Variants in ZNF768 observed in about 807,000 individuals in gnomAD.
ZNF768 encodes zinc finger protein 768.
Under a neutral mutation model 39.7 loss-of-function variants are expected in ZNF768, and 12 were observed. The ratio of observed to expected loss-of-function variants is 0.30; its 90% CI spans 0.19 to 0.49. ZNF768 has a LOEUF of 0.49. Among genes scored for constraint, ZNF768 ranks in the 20% least tolerant of loss-of-function variants. The pLI, the probability that ZNF768 is intolerant of heterozygous loss-of-function variation, is 0.99. For synonymous variants in ZNF768, 360 were observed against 288.4 expected (o/e 1.25, Z -2.52); for missense variants, 613 against 723.2 (o/e 0.85, Z 1.75).
chr16:30,528,948 C>T (rs866660119), upstream of ZNF768, among the ~76,000 whole-genome samples: 4 of 152,214 alleles, frequency 2.6e-5, no homozygotes, highest in Admixed American at 6.5e-5. Flanking sequence ...GCTCTGACAC[C>T]GTACACTGCC....
In ZNF768 at chr16:30,525,418, G is replaced by A. The variant is rs769419547; in HGVS notation, c.722C>T (p.Ala241Val). The A allele has an allele frequency of 4.0e-5, 64 of 1,614,154 alleles. No individual in the cohort carries two copies. Among genetic ancestry groups the A allele is most frequent in the Non-Finnish European group, 5.1e-5 (60 of 1,180,038 alleles). ...ACCCCGCCGACCTGGACCTCGAAGG[G>A]CTCCTGTGAGACCCAGGGGATTCTG... ...MLQNPLGLTG[A>V]LRGPGRRGGR... Residue 241 changes from alanine to valine, a missense_variant, in exon 2 of 2, where the codon GCC becomes GTC. Physicochemically the swap from Ala to Val is moderately conservative, Grantham distance 64. Coordinates refer to ENST00000380412, the MANE Select transcript of ZNF768 (RefSeq NM_024671.4).
At chr16:30,526,649 C>A, upstream of ZNF768, 1 of 967,662 alleles carries the variant, frequency 1.0e-6, no homozygotes, top group South Asian at 4.8e-5. Context: ...TCCCCGTGGC[C>A]CTCACTGGCC....
chr16:30,525,636 G>A lies in ZNF768; in HGVS notation c.504C>T (p.Ser168=), dbSNP rs1242796019. 1.2e-6 allele frequency: 2 copies of A among 1,614,096 alleles called. No individual in the cohort carries two copies. The highest frequency in any genetic ancestry group is 4.5e-5 in the East Asian group (2 of 44,900). Residue 168 remains serine, a synonymous_variant, in exon 2 of 2, where the codon TCC becomes TCT. Transcript: ENST00000380412. ...GCATCTCCGCACCTTCCTGGAATTT[G>A]GAACTTTGAGCTTCAAATTCTGGGC... ...TQSPEFEAQS[S]KFQEGAEMLL...
Position 30,526,560 on chromosome 16 carries a change from G to A in ZNF768, c.-147C>T. 9.4e-7 allele frequency: 1 copy of A among 1,058,572 alleles called. No individual in the cohort carries two copies. The highest frequency in any genetic ancestry group is 4.5e-5 in the South Asian group (1 of 22,246). 65.6% of individuals were successfully genotyped at this position (1,058,572 alleles called of 1,614,324 possible). On this transcript the variant is annotated 5_prime_UTR_variant, in exon 1 of 2. Coordinates refer to ENST00000380412, the MANE Select transcript of ZNF768 (RefSeq NM_024671.4). ...GGCCCAGCCCGGGCCCCCGAGGCCG[G>A]ACGTCTTGACCCCGCGCCTCTCCAG...
chr16:30,531,605 T>C (rs1361637675), upstream of ZNF768: 1 of 151,900 alleles, frequency 6.6e-6, no homozygotes, highest in African/African-American at 2.4e-5. Context: ...CTGATCAACA[T>C]AGTGGGAACC....
At chr16:30,528,962 A>G (rs2051349539), upstream of ZNF768, among the ~76,000 whole-genome samples, 1 of 152,166 alleles carries the variant, frequency 6.6e-6, no homozygotes, top group Admixed American at 6.6e-5. Flanking sequence ...CACTGCCTGC[A>G]CTCTTATCAT....
At chr16:30,526,127 C>G (rs2051321372) in intron 1 of ZNF768, 76 bp from the exon 2 acceptor site, 1 of 1,493,310 alleles carries the variant, frequency 6.7e-7, no homozygotes, top group Non-Finnish European at 8.9e-7. Context: ...CACCTCCCAC[C>G]TCACATGCAG....
At chr16:30,526,809 C>T (rs1348069765), upstream of ZNF768, 5 of 956,432 alleles carry the variant, frequency 5.2e-6, no homozygotes, top group African/African-American at 1.8e-5. Context: ...CCACCCTCCC[C>T]CGCACAGGAA....
Position 30,526,549 on chromosome 16 carries a change from C to A in ZNF768, c.-136G>T. On this transcript the variant is annotated 5_prime_UTR_variant, in exon 1 of 2. Transcript: ENST00000380412. ...GGGGACTCGGCGGCCCAGCCCGGGC[C>A]CCCGAGGCCGGACGTCTTGACCCCG... 9.3e-7 allele frequency: 1 copy of A among 1,077,088 alleles called. No individual in the cohort carries two copies. Among genetic ancestry groups the A allele is most frequent in the Non-Finnish European group, 1.1e-6 (1 of 889,928 alleles). The allele number at this position is 1,077,088 out of a possible 1,614,324, so 66.7% of individuals were successfully genotyped here.
At chr16:30,532,401 G>C in the ZNF768 span, 1 of 1,389,844 alleles carries the variant, frequency 7.2e-7, no homozygotes, top group African/African-American at 1.4e-5. Context: ...AGCTCTTGCG[G>C]TGGATTCTGG....
chr16:30,525,909 GGGGCTTTGGGGTTCAAACTCT>G lies in ZNF768; in HGVS notation c.210_230del (p.Glu71_Pro77del). ...ACCCCGGGCTTTCAGGCTCAAATCT[GGGGCTTTGGGGTTCAAACTCT>G]GGGCTTTGTGGCTCAAACCCAGGGC... On this transcript the variant is annotated inframe_deletion, in exon 2 of 2. Transcript: ENST00000380412. The G allele has an allele frequency of 2.0e-6, 3 of 1,518,684 alleles. No homozygotes were observed. In the South Asian group the frequency reaches 4.1e-5, roughly 21 times the overall value. 94.1% of individuals were successfully genotyped at this position (1,518,684 alleles called of 1,614,324 possible). A position where few individuals can be genotyped will look rare whatever the true frequency, so the allele number is the denominator to read the frequency against.
At position 30,525,879 on chromosome 16, in the gene ZNF768, C is replaced by T; in HGVS notation, c.261G>A (p.Glu87=). 6.6e-6 allele frequency: 10 copies of T among 1,519,618 alleles called. No homozygotes were observed. Among genetic ancestry groups the T allele is most frequent in the Non-Finnish European group, 7.9e-6 (9 of 1,137,476 alleles). The allele number at this position is 1,519,618 out of a possible 1,614,324, so 94.1% of individuals were successfully genotyped here. A position where few individuals can be genotyped will look rare whatever the true frequency, so the allele number is the denominator to read the frequency against. Residue 87 remains glutamate, a synonymous_variant, in exon 2 of 2, where the codon GAG becomes GAA. Coordinates refer to ENST00000380412, the MANE Select transcript of ZNF768 (RefSeq NM_024671.4). Reference sequence around the variant, plus strand: ...GGGGCACAAGCCCAGGGCTTCGGGACTCAAACCCCGGGCTTTCAGGCTCAA... The same window carrying T: ...GGGGCACAAGCCCAGGGCTTCGGGATTCAAACCCCGGGCTTTCAGGCTCAA... ...PRFEPESPGF[E]SRSPGLVPPS...
chr16:30,525,533 C>T lies in ZNF768; in HGVS notation c.607G>A (p.Gly203Arg), dbSNP rs1363437360. The stretch of plus-strand genomic sequence containing the variant: ...GGCAGGTCCCCTGTGGGCTGCTCCC[C>T]AAACCCCTGAGTGAAGGAGTCCAGG... ...HPLDSFTQGF[G>R]EQPTGDLPIG... is the part of the protein sequence containing the mutation. Residue 203 changes from glycine to arginine, a missense_variant, in exon 2 of 2, where the codon GGG becomes AGG. This residue lies in a region of ZNF768 where 347 missense variants were observed against 326.1 expected (regional missense o/e 1.06). Coordinates refer to ENST00000380412, the MANE Select transcript of ZNF768 (RefSeq NM_024671.4). 2 of 1,614,104 alleles carry T rather than the reference C, an allele frequency of 1.2e-6. No homozygotes were observed. Among genetic ancestry groups the T allele is most frequent in the Non-Finnish European group, 1.7e-6 (2 of 1,180,040 alleles).
chr16:30,524,228 T>A lies in ZNF768; in HGVS notation c.*289A>T. 3.4e-5 allele frequency: 6 copies of A among 174,826 alleles called. No homozygotes were observed. The highest frequency in any genetic ancestry group is 7.8e-5 in the Admixed American group (1 of 12,776). The allele number at this position is 174,826 out of a possible 1,614,324, so 10.8% of individuals were successfully genotyped here. A position where few individuals can be genotyped will look rare whatever the true frequency, so the allele number is the denominator to read the frequency against. On this transcript the variant is annotated 3_prime_UTR_variant, in exon 2 of 2. Coordinates refer to ENST00000380412, the MANE Select transcript of ZNF768 (RefSeq NM_024671.4). Reference sequence around the variant, plus strand: ...ATCCCCTGCCCTCCCCCCTCCCTGCTCTAGCAGTTGCCAAGCCAGGCACCC... The same window carrying A: ...ATCCCCTGCCCTCCCCCCTCCCTGCACTAGCAGTTGCCAAGCCAGGCACCC...
the ZNF768 span, chr16:30,532,308 G>A: frequency 1.5e-6 from 1 of 669,008 alleles, no homozygotes; most frequent in Middle Eastern, 4.1e-4. Context: ...AGGGGGCCTT[G>A]GAGAGCCCAG....
upstream of ZNF768, chr16:30,527,322 T>TCCTCCTC (rs1167780195): frequency 5.4e-5 from 53 of 983,496 alleles, no homozygotes; most frequent in African/African-American, 1.6e-4. Flanking sequence ...CCCCTGATCC[T>TCCTCCTC]CCTCCTCCCT....
In ZNF768 at chr16:30,524,794, C is replaced by T; in HGVS notation, c.1346G>A (p.Arg449His). The change falls in exon 2 of 2, where the codon CGC becomes CAC. Residue 449 changes from arginine (R) to histidine (H), a missense_variant. Coordinates refer to ENST00000380412, the MANE Select transcript of ZNF768 (RefSeq NM_024671.4). ...GTAGGTGCGGCCTGGCAGGTGGGTG[C>T]GGGCGTGGATGGCCAGCACCGAGCT... Reference protein sequence around the residue: ...GQSSVLAIHARTHLPGRTYSC... With the variant: ...GQSSVLAIHAHTHLPGRTYSC... The T allele has an allele frequency of 1.2e-6, 2 of 1,610,932 alleles. No homozygotes were observed. Among genetic ancestry groups the T allele is most frequent in the Non-Finnish European group, 1.7e-6 (2 of 1,179,528 alleles).
upstream of ZNF768, chr16:30,526,804 C>T (rs1228468744): frequency 2.2e-6 from 2 of 916,802 alleles, no homozygotes; most frequent in Non-Finnish European, 2.6e-6. Flanking sequence ...CCCCCCCACC[C>T]TCCCCCGCAC....
upstream of ZNF768, chr16:30,527,378 C>T (rs1264435983): frequency 1.1e-6 from 1 of 941,160 alleles, no homozygotes; most frequent in African/African-American, 1.8e-5. Flanking sequence ...GACAGCCCCG[C>T]CCCGGCTCCC....
Sources: allele counts gnomAD v4.1 joint callset (sites outside exome capture counted in the v4.1 genomes callset), GRCh38; gene constraint gnomAD v4.1.1; regional missense constraint gnomAD v4.1.1; transcripts MANE v1.5; gene names NCBI Gene and HGNC (gene_info 2026-07-23, HGNC 2026-07-21).